The following NSUN6 variants were observed in gnomAD, a reference collection of about 807,000 sequenced individuals.
NSUN6 encodes the protein NOP2/Sun RNA methyltransferase 6, also known as tRNA (cytosine(72)-C(5))-methyltransferase NSUN6.
In NSUN6, 64 loss-of-function variants were observed where a neutral mutation model predicts 58.0. The ratio of observed to expected loss-of-function variants is 1.10; its 90% CI spans 0.90 to 1.36. NSUN6 has a LOEUF of 1.36. NSUN6 is among the 40% of genes most tolerant of loss of function. The pLI is 0.00. For missense variants in NSUN6, 701 were observed against 550.1 expected (o/e 1.27, Z -2.74); for synonymous variants, 231 against 193.9 (o/e 1.19, Z -1.59).
At position 18,634,923 on chromosome 10, in the gene NSUN6, T is replaced by C. The variant is rs527822944; in HGVS notation, c.311+7553A>G. On this transcript the variant is annotated intron_variant, in intron 3 of 10. Coordinates refer to ENST00000377304, the MANE Select transcript of NSUN6 (RefSeq NM_182543.5). ...CTTGAGAGGATGGGTCTTGGCTAGC[T>C]AAGCAGCTAGAAACTGGAATGAGAA... 2.6e-5 allele frequency among the ~76,000 whole-genome samples: 4 copies of C among 152,282 alleles called. No homozygotes were observed. The South Asian group carries it at 8.3e-4, about 32-fold the overall frequency.
At chr10:18,563,157 A>AAATGGAGAATGGAATGG (rs2055663309) in intron 8 of NSUN6, among the ~76,000 whole-genome samples, 1 of 146,776 alleles carries the variant, frequency 6.8e-6, no homozygotes, top group African/African-American at 2.5e-5. Flanking sequence ...GAGTGGAACA[A>AAATGGAGAATGGAATGG]AATGGAGAAT....
chr10:18,652,291 A>C, upstream of NSUN6: 1 of 984,890 alleles, frequency 1.0e-6, no homozygotes, highest in African/African-American at 1.7e-5. Flanking sequence ...AACCAAACTC[A>C]CTGAGTCATT....
rs1166870922 is a variant in NSUN6 at position 18,648,526 on chromosome 10, T to C, written c.195A>G (p.Gln65=). 6.2e-7 allele frequency: 1 copy of C among 1,609,360 alleles called. No individual in the cohort carries two copies. Among genetic ancestry groups the C allele is most frequent in the Non-Finnish European group, 8.5e-7 (1 of 1,176,100 alleles). Residue 65 remains glutamine, a synonymous_variant, in exon 2 of 11, where the codon CAA becomes CAG. Transcript: ENST00000377304. The stretch of plus-strand genomic sequence containing the variant: ...CATCAAGTAACAGATTTTTCACATG[T>C]TGTACTGAGGCTAAATGTGTATTCA... ...VRVNTHLASV[Q]HVKNLLLDEL... is the part of the protein sequence containing the mutation.
intron 7 of NSUN6, 108 bp downstream of exon 7, chr10:18,596,100 G>T: frequency 1.2e-6 from 1 of 853,070 alleles, no homozygotes; most frequent in South Asian, 1.7e-5. Flanking sequence ...TTTTCATTTT[G>T]GCTGAATCTG....
At chr10:18,604,400 C>G (rs967227044) in intron 6 of NSUN6, among the ~76,000 whole-genome samples, 1 of 152,144 alleles carries the variant, frequency 6.6e-6, no homozygotes, top group Non-Finnish European at 1.5e-5. Flanking sequence ...GGATGCTCTT[C>G]AATTTTAGAG....
At chr10:18,581,417 C>T (rs557646418) in intron 8 of NSUN6, among the ~76,000 whole-genome samples, 51 of 152,286 alleles carry the variant, frequency 3.3e-4, no homozygotes, top group African/African-American at 1.2e-3. Context: ...CCCACTGGCA[C>T]CATGACAATT....
At chr10:18,626,320 AC>A (rs1174152995) in intron 3 of NSUN6, among the ~76,000 whole-genome samples, 1 of 152,028 alleles carries the variant, frequency 6.6e-6, no homozygotes, top group Admixed American at 6.6e-5. Context: ...AGGGTGGATC[AC>A]TTGAGCTCAG....
At chr10:18,633,207 G>C (rs1218781593) in intron 3 of NSUN6, among the ~76,000 whole-genome samples, 2 of 151,020 alleles carry the variant, frequency 1.3e-5, no homozygotes, top group African/African-American at 4.9e-5. Context: ...ATTGAACAAT[G>C]GGAACACATG....
chr10:18,628,421 C>T (rs2058904672), intron 3 of NSUN6, among the ~76,000 whole-genome samples: 1 of 152,182 alleles, frequency 6.6e-6, no homozygotes, highest in Admixed American at 6.5e-5. Flanking sequence ...CTTTGAGGAG[C>T]TGAGAGAAGA....
chr10:18,639,506 A>G (rs1487495060), intron 3 of NSUN6, among the ~76,000 whole-genome samples: 1 of 152,218 alleles, frequency 6.6e-6, no homozygotes, highest in African/African-American at 2.4e-5. Context: ...AAAAAAATAA[A>G]AACAAAAAAA....
At chr10:18,649,268 G>T (rs2059636778) in intron 1 of NSUN6, among the ~76,000 whole-genome samples, 1 of 152,170 alleles carries the variant, frequency 6.6e-6, no homozygotes. Context: ...ATATTCCCTT[G>T]TAATTAACCG....
rs140678239 is a variant in NSUN6, at chr10:18,563,880, C to T, written c.923-11909G>A. 2.8e-3 allele frequency among the ~76,000 whole-genome samples: 420 copies of T among 150,780 alleles called. 1 individual carries two copies. Among genetic ancestry groups the T allele is most frequent in the African/African-American group, 9.1e-3 (376 of 41,244 alleles). On this transcript the variant is annotated intron_variant, in intron 8 of 10. Transcript: ENST00000377304. ...CTTCCATTCCATATTCCATTCCATT[C>T]TCCATTCCATTCCATCCTCCATTAC...
At chr10:18,577,393 G>T (rs1207174558) in intron 8 of NSUN6, among the ~76,000 whole-genome samples, 1 of 152,106 alleles carries the variant, frequency 6.6e-6, no homozygotes, top group Non-Finnish European at 1.5e-5. Context: ...AAATGGAAAG[G>T]AATAATAGCC....
chr10:18,643,113 T>C (rs1286206323), intron 2 of NSUN6, among the ~76,000 whole-genome samples: 1 of 151,802 alleles, frequency 6.6e-6, no homozygotes, highest in African/African-American at 2.4e-5. Flanking sequence ...ACTGCATGCA[T>C]CTCTTTCCAA....
intron 7 of NSUN6, among the ~76,000 whole-genome samples, chr10:18,593,649 T>C (rs891266482): frequency 1.2e-4 from 18 of 151,360 alleles, no homozygotes; most frequent in African/African-American, 4.1e-4. Flanking sequence ...TAAGTGGGAG[T>C]TGAACAATGA....
Position 18,559,205 on chromosome 10 carries a change from G to C in NSUN6, c.923-7234C>G, listed in dbSNP as rs148463951. On this transcript the variant is annotated intron_variant, in intron 8 of 10. Coordinates refer to ENST00000377304, the MANE Select transcript of NSUN6 (RefSeq NM_182543.5). The stretch of plus-strand genomic sequence containing the variant: ...ATGGAATGGAAGATGGAATGGAATA[G>C]AGAATGGAATGGTGAATGCAATGGA... Among the ~76,000 whole-genome samples the C allele has an allele frequency of 8.5e-4, 129 of 151,148 alleles. 1 individual carries two copies. Among genetic ancestry groups the C allele is most frequent in the Non-Finnish European group, 1.7e-3 (113 of 67,524 alleles).
intron 8 of NSUN6, among the ~76,000 whole-genome samples, chr10:18,577,757 G>T (rs192036264): frequency 6.6e-6 from 1 of 152,122 alleles, no homozygotes; most frequent in East Asian, 1.9e-4. Flanking sequence ...AACCTTTATC[G>T]ATCACCTGCT....
At chr10:18,628,917 C>T (rs1275748219) in intron 3 of NSUN6, among the ~76,000 whole-genome samples, 1 of 152,092 alleles carries the variant, frequency 6.6e-6, no homozygotes, top group African/African-American at 2.4e-5. Flanking sequence ...CACAAAGATA[C>T]TCCTCGAGAA....
intron 2 of NSUN6, among the ~76,000 whole-genome samples, chr10:18,646,599 G>C (rs1968961): frequency 0.55 from 84,149 of 152,000 alleles, 23,748 homozygotes; most frequent in East Asian, 0.94. Context: ...AATCCCAGCA[G>C]TTTGGGAGGC....
Sources: gnomAD v4.1 joint callset for allele counts (sites outside exome capture counted in the v4.1 genomes callset) on GRCh38, gnomAD v4.1.1 for gene constraint, MANE v1.5 for transcripts, NCBI Gene and HGNC (gene_info 2026-07-23, HGNC 2026-07-21) for gene names.